Variants in ANK3 observed in about 807,000 individuals in gnomAD.
The protein encoded by ANK3 is ankyrin 3, also known as ankyrin-3.
Under a neutral mutation model 370.9 loss-of-function variants are expected in ANK3, and 57 were observed. The ratio of observed to expected loss-of-function variants is 0.15; its 90% CI spans 0.12 to 0.19. The LOEUF (loss-of-function observed/expected upper bound fraction) is 0.19. ANK3 is among the 10% of genes least tolerant of loss of function. The probability of loss-of-function intolerance (pLI) is 1.00; values close to 1 mark genes in which losing one functional copy is unlikely to be tolerated. For synonymous variants in ANK3, 1,929 were observed against 1,946.3 expected, an observed-to-expected ratio of 0.99 and a Z score of 0.23; for missense variants, 4,439 against 5,302.1, an observed-to-expected ratio of 0.84 and a Z score of 5.06.
chr10:60,419,301 A>G (rs2063731880), intron 2 of ANK3, among the ~76,000 whole-genome samples: 1 of 152,132 alleles, frequency 6.6e-6, no homozygotes, highest in South Asian at 2.1e-4. Context: ...CATTCTTCCC[A>G]TCTATTATAT....
At chr10:60,548,310 C>T (rs2077016279) in intron 2 of ANK3, among the ~76,000 whole-genome samples, 2 of 143,606 alleles carry the variant, frequency 1.4e-5, no homozygotes, top group South Asian at 2.2e-4. Context: ...CTCCCAGGTT[C>T]GAGTGATTCT....
chr10:60,226,523 CTATAGTAT>C (rs2097155722), intron 8 of ANK3, among the ~76,000 whole-genome samples: 2 of 53,930 alleles, frequency 3.7e-5, no homozygotes, highest in Non-Finnish European at 5.9e-5. Flanking sequence ...AGTATATATA[CTATAGTAT>C]ATATACATAG....
chr10:60,496,150 A>AT (rs2075651099), intron 2 of ANK3, among the ~76,000 whole-genome samples: 1 of 152,204 alleles, frequency 6.6e-6, no homozygotes, highest in Admixed American at 6.5e-5. Flanking sequence ...TTTATGATTT[A>AT]GATGTGGATA....
At chr10:60,455,611 A>T (rs78415728) in intron 2 of ANK3, among the ~76,000 whole-genome samples, 1,859 of 152,276 alleles carry the variant, frequency 0.012, 44 homozygotes, top group African/African-American at 0.042. Context: ...ACTTGTCTAC[A>T]TCACACTCGG....
intron 2 of ANK3, among the ~76,000 whole-genome samples, chr10:60,488,418 T>A (rs2075405406): frequency 6.6e-6 from 1 of 152,238 alleles, no homozygotes; most frequent in Non-Finnish European, 1.5e-5. Flanking sequence ...TATTGAGATG[T>A]TATTCACATC....
chr10:60,100,959 T>G (rs1261716037), intron 28 of ANK3, among the ~76,000 whole-genome samples: 1 of 152,200 alleles, frequency 6.6e-6, no homozygotes, highest in Non-Finnish European at 1.5e-5. Flanking sequence ...AATTTTTTAT[T>G]TGTTTTTTAG....
chr10:60,463,433 C>G (rs2064937556), intron 2 of ANK3, among the ~76,000 whole-genome samples: 1 of 152,026 alleles, frequency 6.6e-6, no homozygotes, highest in Non-Finnish European at 1.5e-5. Flanking sequence ...AGGTCAAGGC[C>G]CAAGACAGAA....
intron 12 of ANK3, among the ~76,000 whole-genome samples, chr10:60,201,960 C>G (rs1044962478): frequency 1.3e-5 from 2 of 152,070 alleles, no homozygotes; most frequent in Non-Finnish European, 2.9e-5. Flanking sequence ...AGTGATCCAC[C>G]CATCTCGGCC....
chr10:60,540,252 T>G (rs917152377), intron 2 of ANK3, among the ~76,000 whole-genome samples: 32 of 151,730 alleles, frequency 2.1e-4, no homozygotes, highest in Admixed American at 4.0e-4. Flanking sequence ...TAATTGATCA[T>G]CCAAAAAATG....
chr10:60,611,515 C>T (rs781205504), intron 2 of ANK3, among the ~76,000 whole-genome samples: 8 of 152,146 alleles, frequency 5.3e-5, no homozygotes, highest in African/African-American at 1.2e-4. Flanking sequence ...CACCCACCCA[C>T]TTTTAGTCAG....
At chr10:60,196,272 G>A in intron 15 of ANK3, 29 bp from the exon 16 acceptor site, 1 of 1,581,244 alleles carries the variant, frequency 6.3e-7, no homozygotes, top group Non-Finnish European at 8.7e-7. Flanking sequence ...ACAACAACCA[G>A]TGTCAAAGGT....
At chr10:60,183,679 A>G (rs1485075395) in intron 17 of ANK3, among the ~76,000 whole-genome samples, 1 of 151,890 alleles carries the variant, frequency 6.6e-6, no homozygotes, top group Non-Finnish European at 1.5e-5. Context: ...ACCTACATGG[A>G]GAAACCCTGT....
At position 60,134,341 on chromosome 10, in the gene ANK3, G is replaced by A. The variant is rs1368031572; in HGVS notation, c.2771C>T (p.Thr924Ile). Reference protein sequence around the residue: ...LRSFSSDRSYTLNRSSYARDS... With the variant: ...LRSFSSDRSYILNRSSYARDS... ...CCGTGCATAGGAGCTTCTGTTCAAGGTGTAAGACCTATCCGAACTGAAGGA... is the reference window on the plus strand; with the variant it reads ...CCGTGCATAGGAGCTTCTGTTCAAGATGTAAGACCTATCCGAACTGAAGGA... Residue 924 changes from threonine to isoleucine, a missense_variant, in exon 25 of 44, where the codon ACC becomes ATC. Thr to Ile is a moderately conservative substitution (Grantham distance 89, BLOSUM62 -1). Coordinates refer to ENST00000280772, the MANE Select transcript of ANK3 (RefSeq NM_020987.5). The A allele has an allele frequency of 6.2e-7, 1 of 1,613,700 alleles. No homozygotes were observed.
At chr10:60,697,885 A>G (rs1218738875) in intron 1 of ANK3, among the ~76,000 whole-genome samples, 1 of 151,540 alleles carries the variant, frequency 6.6e-6, no homozygotes, top group African/African-American at 2.4e-5. Context: ...AATGGCAACA[A>G]AAGCCAAAAT....
At chr10:60,603,508 A>T (rs1289102374) in intron 2 of ANK3, among the ~76,000 whole-genome samples, 5 of 152,176 alleles carry the variant, frequency 3.3e-5, no homozygotes, top group African/African-American at 1.2e-4. Flanking sequence ...AATTTCAAAA[A>T]CATTTACATC....
At chr10:60,696,094 C>A (rs2079444856) in intron 1 of ANK3, among the ~76,000 whole-genome samples, 1 of 150,698 alleles carries the variant, frequency 6.6e-6, no homozygotes, top group Non-Finnish European at 1.5e-5. Flanking sequence ...CACAAAAATA[C>A]AAACTACCAT....
At chr10:60,297,227 C>T (rs1002055000) in intron 1 of ANK3, among the ~76,000 whole-genome samples, 46 of 152,236 alleles carry the variant, frequency 3.0e-4, no homozygotes, top group East Asian at 3.9e-4. Context: ...AAACTGGTTG[C>T]CATCACTCAC....
chr10:60,415,923 A>ACCCCCCCCC (rs60397919), intron 2 of ANK3, among the ~76,000 whole-genome samples: 6 of 62,656 alleles, frequency 9.6e-5, no homozygotes, highest in Admixed American at 1.7e-4. Context: ...TGTGCCCCCC[A>ACCCCCCCCC]CCCCCCCGCC....
chr10:60,217,567 G>A (rs114144309), intron 8 of ANK3, among the ~76,000 whole-genome samples: 5,510 of 152,228 alleles, frequency 0.036, 317 homozygotes, highest in African/African-American at 0.12. Context: ...TAATTGTGTA[G>A]TTTTCAGCGA....
Sources: allele counts gnomAD v4.1 joint callset (sites outside exome capture counted in the v4.1 genomes callset), GRCh38; gene constraint gnomAD v4.1.1; transcripts MANE v1.5; gene names NCBI Gene and HGNC (gene_info 2026-07-23, HGNC 2026-07-21).